Variants in SUGCT observed in about 807,000 individuals in gnomAD.
SUGCT encodes the protein succinyl-CoA:glutarate-CoA transferase.
A neutral mutation model predicts 55.0 loss-of-function variants in SUGCT; 41 were observed. That is an observed-to-expected ratio of 0.74 (90% confidence interval 0.58 to 0.97). SUGCT has a LOEUF of 0.97. Among genes scored for constraint, SUGCT ranks in the 50% least tolerant of loss-of-function variants. The pLI is 0.00. For synonymous variants in SUGCT, 187 were observed against 200.4 expected (o/e 0.93, Z 0.56); for missense variants, 568 against 547.8 (o/e 1.04, Z -0.37).
intron 9 of SUGCT, among the ~76,000 whole-genome samples, chr7:40,322,266 T>C (rs1795796420): frequency 6.6e-6 from 1 of 152,198 alleles, no homozygotes; most frequent in Non-Finnish European, 1.5e-5. Flanking sequence ...CCTTTCTGGC[T>C]TCAGAGGTCC....
intron 12 of SUGCT, among the ~76,000 whole-genome samples, chr7:40,644,664 A>G (rs977294647): frequency 6.6e-6 from 1 of 152,114 alleles, no homozygotes; most frequent in African/African-American, 2.4e-5. Context: ...CACTCTTAGA[A>G]CTGTCAGGCA....
At chr7:40,392,200 G>A (rs1208422276) in intron 9 of SUGCT, among the ~76,000 whole-genome samples, 4 of 152,132 alleles carry the variant, frequency 2.6e-5, no homozygotes, top group African/African-American at 9.7e-5. Context: ...AAGTTAATGG[G>A]TGCAGCACAC....
chr7:40,269,509 G>T (rs1247045433), intron 7 of SUGCT, among the ~76,000 whole-genome samples: 1 of 152,054 alleles, frequency 6.6e-6, no homozygotes, highest in African/African-American at 2.4e-5. Flanking sequence ...TTATCGTAGA[G>T]ATGTGGACTT....
intron 12 of SUGCT, among the ~76,000 whole-genome samples, chr7:40,511,473 G>A (rs1792926339): frequency 6.6e-6 from 1 of 152,102 alleles, no homozygotes; most frequent in Non-Finnish European, 1.5e-5. Context: ...TGGGTCACTT[G>A]ACAAAATTCA....
the SUGCT span, among the ~76,000 whole-genome samples, chr7:40,867,369 AAGAG>A: frequency 4.7e-5 from 7 of 150,308 alleles, no homozygotes; most frequent in South Asian, 2.1e-4. Context: ...GGGAGAGAGC[AAGAG>A]AGAGAGAGAG....
chr7:40,341,416 G>T (rs1052002907), intron 9 of SUGCT, among the ~76,000 whole-genome samples: 2 of 151,378 alleles, frequency 1.3e-5, no homozygotes, highest in Non-Finnish European at 2.9e-5. Flanking sequence ...TATTAATAGA[G>T]AAAAAAAAAG....
intron 12 of SUGCT, among the ~76,000 whole-genome samples, chr7:40,744,222 C>T (rs1388828119): frequency 1.3e-5 from 2 of 152,138 alleles, no homozygotes; most frequent in Non-Finnish European, 2.9e-5. Flanking sequence ...GCCACCACGC[C>T]TGGCCACTGA....
At chr7:40,588,679 T>A (rs572790120) in intron 12 of SUGCT, among the ~76,000 whole-genome samples, 23 of 152,338 alleles carry the variant, frequency 1.5e-4, no homozygotes, top group Non-Finnish European at 2.9e-4. Flanking sequence ...TTTAATACCA[T>A]CATATTTAAT....
chr7:40,163,875 G>A (rs1024075715), intron 1 of SUGCT, among the ~76,000 whole-genome samples: 5 of 151,040 alleles, frequency 3.3e-5, no homozygotes, highest in African/African-American at 1.2e-4. Context: ...AGACTGAAGG[G>A]CAGTGGCATG....
chr7:40,958,226 G>T, the SUGCT span, among the ~76,000 whole-genome samples: 5 of 151,836 alleles, frequency 3.3e-5, no homozygotes, highest in African/African-American at 1.2e-4. Flanking sequence ...ATGTTGGGGA[G>T]GTTCTCCTGG....
At chr7:40,720,983 T>G (rs1417745199) in intron 12 of SUGCT, among the ~76,000 whole-genome samples, 3 of 152,232 alleles carry the variant, frequency 2.0e-5, no homozygotes, top group African/African-American at 7.2e-5. Context: ...GCACATAAGG[T>G]TAATTTTTTG....
intron 13 of SUGCT, among the ~76,000 whole-genome samples, chr7:40,822,105 T>C (rs1443389811): frequency 6.6e-6 from 1 of 152,216 alleles, no homozygotes; most frequent in African/African-American, 2.4e-5. Flanking sequence ...GAGTTATAGT[T>C]TGATTGCACT....
chr7:40,767,293 A>G (rs974691925), intron 13 of SUGCT, among the ~76,000 whole-genome samples: 23 of 152,258 alleles, frequency 1.5e-4, no homozygotes, highest in Non-Finnish European at 2.9e-5. Flanking sequence ...CCATCTGTAT[A>G]GAGTTTTGTA....
the SUGCT span, among the ~76,000 whole-genome samples, chr7:40,959,048 C>T: frequency 6.6e-6 from 1 of 152,182 alleles, no homozygotes; most frequent in African/African-American, 2.4e-5. Flanking sequence ...AGCTTCATCC[C>T]AGAGGGGCAC....
At chr7:40,527,858 A>T (rs1793886119) in intron 12 of SUGCT, among the ~76,000 whole-genome samples, 1 of 152,228 alleles carries the variant, frequency 6.6e-6, no homozygotes, top group South Asian at 2.1e-4. Flanking sequence ...GCCAACTCTA[A>T]ATATGGAATC....
At chr7:40,196,456 G>T (rs1172782549) in intron 6 of SUGCT, among the ~76,000 whole-genome samples, 1 of 152,162 alleles carries the variant, frequency 6.6e-6, no homozygotes, top group African/African-American at 2.4e-5. Flanking sequence ...CTAGGTTAGG[G>T]TGATAGATAG....
intron 12 of SUGCT, among the ~76,000 whole-genome samples, chr7:40,684,812 T>C (rs1448819324): frequency 6.6e-6 from 1 of 151,996 alleles, no homozygotes; most frequent in Non-Finnish European, 1.5e-5. Context: ...TTGAGACACA[T>C]AGTGTTTTAT....
intron 11 of SUGCT, among the ~76,000 whole-genome samples, chr7:40,493,063 T>C (rs998399573): frequency 6.6e-6 from 1 of 152,192 alleles, no homozygotes; most frequent in Non-Finnish European, 1.5e-5. Flanking sequence ...GCTCCTTCAT[T>C]TTTTAGCTGT....
downstream of SUGCT, among the ~76,000 whole-genome samples, chr7:40,863,180 G>A (rs548257235): frequency 5.3e-5 from 8 of 152,306 alleles, no homozygotes; most frequent in East Asian, 1.5e-3. Context: ...GTTGCAGTGA[G>A]CTGAGATAGC....
Sources: allele counts gnomAD v4.1 joint callset (sites outside exome capture counted in the v4.1 genomes callset), GRCh38; gene constraint gnomAD v4.1.1; transcripts MANE v1.5; gene names NCBI Gene and HGNC (gene_info 2026-07-23, HGNC 2026-07-21).